The following TNNI1 variants were observed in gnomAD, a reference collection of about 807,000 sequenced individuals.
TNNI1 encodes troponin I1, slow skeletal type.
TNNI1 carries 14 observed loss-of-function variants against 26.7 expected under a neutral mutation model. The ratio of observed to expected loss-of-function variants is 0.52; its 90% CI spans 0.35 to 0.82. The LOEUF is 0.82. Among genes scored for constraint, TNNI1 ranks in the 40% least tolerant of loss-of-function variants. TNNI1 has a pLI of 0.01. For synonymous variants in TNNI1, 79 were observed against 98.2 expected (o/e 0.80, Z 1.16); for missense variants, 164 against 257.0 (o/e 0.64, Z 2.47).
At chr1:201,417,711 C>T (rs1662775561) in intron 2 of TNNI1, 72 bp downstream of exon 2, 4 of 1,265,286 alleles carry the variant, frequency 3.2e-6, no homozygotes, top group Admixed American at 3.1e-5. Context: ...ATGGTGCCTC[C>T]ACTGCGGGGC....
chr1:201,418,003 T>C lies in TNNI1; in HGVS notation c.-19-191A>G, dbSNP rs555500817. On this transcript the variant is annotated intron_variant, in intron 1 of 8. Transcript: ENST00000361379. ...GTCAGCTAACTACAGCCCATAAGCC[T>C]GACCTGGCTCCCAGCCTGTTTTTGC... Among the ~76,000 whole-genome samples, 4 of 150,932 alleles carry C rather than the reference T, an allele frequency of 2.7e-5. No individual in the cohort carries two copies. The South Asian group carries it at 8.4e-4, about 32-fold the overall frequency.
At chr1:201,420,624 G>A (rs555990360) in intron 1 of TNNI1, among the ~76,000 whole-genome samples, 2 of 152,216 alleles carry the variant, frequency 1.3e-5, no homozygotes, top group South Asian at 4.2e-4. Flanking sequence ...GGAAAGAACT[G>A]ATCTCTTTGC....
At chr1:201,410,793 G>A (rs1242145161) in intron 7 of TNNI1, among the ~76,000 whole-genome samples, 1 of 152,220 alleles carries the variant, frequency 6.6e-6, no homozygotes, top group Non-Finnish European at 1.5e-5. Flanking sequence ...TGCAAATGCG[G>A]CTGCTTTTCC....
Position 201,415,294 on chromosome 1 carries a change from G to A in TNNI1, c.16-40C>T, listed in dbSNP as rs765998346. On this transcript the variant is annotated intron_variant, in intron 3 of 8. Transcript: ENST00000361379. ...AGAGAGAGACAGGTGGTGAGGCAGA[G>A]GCTGCAGAACTGGAATTCTGGTCTA... 3.1e-5 allele frequency: 50 copies of A among 1,608,894 alleles called. No homozygotes were observed. The East Asian group carries it at 1.1e-3, about 36-fold the overall frequency.
In TNNI1 at chr1:201,410,376, T is replaced by C. The variant is rs2102369353; in HGVS notation, c.516A>G (p.Glu172=). The change falls in exon 8 of 9, where the codon GAA becomes GAG. Residue 172 remains glutamate (E), a synonymous_variant. Transcript: ENST00000361379. ...RKNVEAMSGM[E]GRKKMFDAAK... is the part of the protein sequence containing the mutation. ...CGGCATCAAACATCTTCTTCCGGCCTTCCATGCCAGACATGGCCTCCACGT... is the reference window on the plus strand; with the variant it reads ...CGGCATCAAACATCTTCTTCCGGCCCTCCATGCCAGACATGGCCTCCACGT... 6.2e-7 allele frequency: 1 copy of C among 1,614,160 alleles called. No homozygotes were observed. Among genetic ancestry groups the C allele is most frequent in the Non-Finnish European group, 8.5e-7 (1 of 1,180,024 alleles).
At chr1:201,419,889 T>C (rs1662824750) in intron 1 of TNNI1, among the ~76,000 whole-genome samples, 1 of 152,198 alleles carries the variant, frequency 6.6e-6, no homozygotes, top group Non-Finnish European at 1.5e-5. Flanking sequence ...CCTGAGATGC[T>C]TGGCTGGTAT....
In TNNI1 at chr1:201,405,421, A is replaced by G. The variant is rs974702413; in HGVS notation, c.*3832T>C. The stretch of plus-strand genomic sequence containing the variant: ...GCTTTGGGGATGTCTGAGGAAAGAG[A>G]CCTGATGGGGGTCAGGAGCAGAAGC... On this transcript the variant is annotated 3_prime_UTR_variant, in exon 9 of 9. Transcript: ENST00000361379. 1 of 152,660 alleles carries G rather than the reference A, an allele frequency of 6.6e-6. No homozygotes were observed. Among genetic ancestry groups the G allele is most frequent in the Non-Finnish European group, 1.5e-5 (1 of 68,072 alleles). The allele number at this position is 152,660 out of a possible 1,614,324, so 9.5% of individuals were successfully genotyped here.
chr1:201,415,161 T>C, intron 4 of TNNI1, 52 bp downstream of exon 4: 1 of 1,503,770 alleles, frequency 6.6e-7, no homozygotes, highest in Non-Finnish European at 9.2e-7. Context: ...TCTGCTCTGC[T>C]GCCCCTCTGC....
At chr1:201,414,781 T>C (rs1243024838) in intron 4 of TNNI1, 132 bp from the exon 5 acceptor site, 18 of 1,412,916 alleles carry the variant, frequency 1.3e-5, no homozygotes, top group Non-Finnish European at 1.6e-5. Context: ...GCAGCAGCCA[T>C]GGACAGGCCA....
intron 5 of TNNI1, 55 bp downstream of exon 5, chr1:201,414,463 C>T (rs1181886249): frequency 1.2e-5 from 17 of 1,443,786 alleles, no homozygotes; most frequent in African/African-American, 1.4e-5. Context: ...GTCCTTGGAG[C>T]CACCCACACA....
At chr1:201,421,095 C>G (rs962720025) in intron 1 of TNNI1, among the ~76,000 whole-genome samples, 2 of 152,208 alleles carry the variant, frequency 1.3e-5, no homozygotes, top group African/African-American at 4.8e-5. Flanking sequence ...CCCTCCTCTG[C>G]TCTTGTGCTA....
At position 201,405,111 on chromosome 1, in the gene TNNI1, C is replaced by T. The variant is rs1662491081; in HGVS notation, c.*4142G>A. 6.6e-6 allele frequency: 1 copy of T among 152,312 alleles called. No individual in the cohort carries two copies. The highest frequency in any genetic ancestry group is 1.5e-5 in the Non-Finnish European group (1 of 68,090). The allele number at this position is 152,312 out of a possible 1,614,324, so 9.4% of individuals were successfully genotyped here. ...TGTTCAGATCCCTGGGCGTTTGCCT[C>T]TGGCCAGGAGACCAAAGCCCTGTCC... is the stretch of plus-strand genomic sequence containing the variant. On this transcript the variant is annotated 3_prime_UTR_variant, in exon 9 of 9. Transcript: ENST00000361379.
At position 201,414,544 on chromosome 1, in the gene TNNI1, G is replaced by C. The variant is rs545684730; in HGVS notation, c.163C>G (p.Arg55Gly). ...TGCAGGGCACTGAGGGACAGGCCAC[G>C]GGTCTGCAGCGTGGGGATGCGCTCT... ...LAERIPTLQT[R>G]GLSLSALQDL... The change falls in exon 5 of 9, where the codon CGT (arginine) becomes GGT (glycine). Residue 55 changes from arginine (R) to glycine (G), a missense_variant. Arg to Gly is a moderately radical substitution (Grantham distance 125). This residue lies in a region of TNNI1 where 117 missense variants were observed against 158.7 expected (regional missense o/e 0.74). Coordinates refer to ENST00000361379, the MANE Select transcript of TNNI1 (RefSeq NM_003281.4). 3.2e-5 allele frequency: 51 copies of C among 1,608,026 alleles called. No homozygotes were observed. In the East Asian group the frequency reaches 4.5e-4, roughly 14 times the overall value.
intron 8 of TNNI1, among the ~76,000 whole-genome samples, chr1:201,409,610 G>A (rs922317416): frequency 1.3e-5 from 2 of 152,174 alleles, no homozygotes; most frequent in Admixed American, 6.5e-5. Flanking sequence ...TCCTCAGAGA[G>A]CTCCTCCTCT....
At position 201,416,317 on chromosome 1, in the gene TNNI1, T is replaced by C. The variant is rs1662738987; in HGVS notation, c.15+799A>G. ...CACTGTAATGTACACATGGCAAATG[T>C]TTGACTGCGATCTTATTTCCCCACC... On this transcript the variant is annotated intron_variant, in intron 3 of 8. Coordinates refer to ENST00000361379, the MANE Select transcript of TNNI1 (RefSeq NM_003281.4). Among the ~76,000 whole-genome samples, 3 of 152,216 alleles carry C rather than the reference T, an allele frequency of 2.0e-5. No homozygotes were observed. In the South Asian group the frequency reaches 6.2e-4, roughly 32 times the overall value.
At chr1:201,410,998 A>T (rs985093870) in intron 7 of TNNI1, among the ~76,000 whole-genome samples, 1 of 152,210 alleles carries the variant, frequency 6.6e-6, no homozygotes, top group Non-Finnish European at 1.5e-5. Flanking sequence ...TGTGGCTATA[A>T]CCAAGATGAG....
intron 8 of TNNI1, 62 bp downstream of exon 8, chr1:201,410,264 G>T: frequency 1.4e-6 from 2 of 1,457,194 alleles, no homozygotes; most frequent in South Asian, 1.2e-5. Context: ...GCCCATTGTG[G>T]ACTCCCTCAT....
At chr1:201,410,187 G>T in intron 8 of TNNI1, 139 bp downstream of exon 8, 1 of 682,346 alleles carries the variant, frequency 1.5e-6, no homozygotes, top group Non-Finnish European at 2.5e-6. Context: ...CAGGAGAGCC[G>T]ACTCAAATCA....
intron 8 of TNNI1, 65 bp downstream of exon 8, chr1:201,410,261 G>A: frequency 7.0e-7 from 1 of 1,437,154 alleles, no homozygotes; most frequent in South Asian, 1.2e-5. Flanking sequence ...CCTGCCCATT[G>A]TGGACTCCCT....
Sources: allele counts gnomAD v4.1 joint callset (sites outside exome capture counted in the v4.1 genomes callset), GRCh38; gene constraint gnomAD v4.1.1; regional missense constraint gnomAD v4.1.1; transcripts MANE v1.5; gene names NCBI Gene and HGNC (gene_info 2026-07-23, HGNC 2026-07-21).